The following SPOCK1 variants were observed in gnomAD, a reference collection of about 807,000 sequenced individuals.
The protein encoded by SPOCK1 is SPARC (osteonectin), cwcv and kazal like domains proteoglycan 1.
In SPOCK1, 23 loss-of-function variants were observed where a neutral mutation model predicts 55.3. That is an observed-to-expected ratio of 0.42 (90% CI 0.30 to 0.59). The LOEUF is 0.59. Among genes scored for constraint, SPOCK1 ranks in the 20% least tolerant of loss-of-function variants. The pLI is 0.22. For synonymous variants in SPOCK1, 226 were observed against 221.0 expected (o/e 1.02, Z -0.20); for missense variants, 499 against 552.5 (o/e 0.90, Z 0.97).
intron 6 of SPOCK1, among the ~76,000 whole-genome samples, chr5:136,995,381 G>A (rs1751021201): frequency 6.6e-6 from 1 of 152,160 alleles, no homozygotes; most frequent in South Asian, 2.1e-4. Context: ...CTTAGCCCAG[G>A]TGCCAAGGCA....
intron 6 of SPOCK1, among the ~76,000 whole-genome samples, chr5:137,052,997 C>T (rs1306057611): frequency 6.6e-6 from 1 of 151,982 alleles, no homozygotes; most frequent in Non-Finnish European, 1.5e-5. Flanking sequence ...GTGTTCTGGT[C>T]CAGCATGCCT....
chr5:137,316,820 CTTAT>C (rs1342190554), intron 2 of SPOCK1, among the ~76,000 whole-genome samples: 1 of 152,150 alleles, frequency 6.6e-6, no homozygotes, highest in Non-Finnish European at 1.5e-5. Flanking sequence ...TGTAATTTTT[CTTAT>C]TTAACAGTTA....
At chr5:137,211,031 G>A (rs957538545) in intron 3 of SPOCK1, among the ~76,000 whole-genome samples, 1 of 152,150 alleles carries the variant, frequency 6.6e-6, no homozygotes, top group African/African-American at 2.4e-5. Flanking sequence ...GACAAGCTGG[G>A]GTCATAACTC....
chr5:137,066,231 C>T (rs139502562), intron 6 of SPOCK1, among the ~76,000 whole-genome samples: 1,588 of 152,248 alleles, frequency 0.01, 25 homozygotes, highest in African/African-American at 0.036. Context: ...CTCCACCTCC[C>T]GAGTTCAAGC....
chr5:136,981,469 T>TA (rs1230750277), intron 9 of SPOCK1, among the ~76,000 whole-genome samples: 2 of 152,262 alleles, frequency 1.3e-5, no homozygotes, highest in Non-Finnish European at 2.9e-5. Context: ...CATTTGACGC[T>TA]ATGAAGTTTC....
rs114052124 is a variant in SPOCK1 at position 137,474,127 on chromosome 5, G to A, written c.186+24246C>T. ...AGGGGAGCGAGGGATAAAAGACTAT[G>A]TATACGGTGCAGCGTATGGTGCACC... On this transcript the variant is annotated intron_variant, in intron 2 of 10. Coordinates refer to ENST00000394945, the MANE Select transcript of SPOCK1 (RefSeq NM_004598.4). Among the ~76,000 whole-genome samples the A allele has an allele frequency of 7.9e-3, 1,209 of 152,180 alleles. 10 individuals carry two copies. The highest frequency in any genetic ancestry group is 0.028 in the African/African-American group (1,150 of 41,510).
In SPOCK1 at chr5:136,978,739, T is replaced by C; in HGVS notation, c.1235A>G (p.Lys412Arg). ...RELGPKDKEGKLRVHTRAVTE... is the reference protein window; with the variant it reads ...RELGPKDKEGRLRVHTRAVTE... ...CACGGCTCGGGTGTGCACCCTCAGC[T>C]TCCCCTCTTTGTCCTTTGGTCCCAG... The change falls in exon 11 of 11, where the codon AAG becomes AGG. Residue 412 changes from lysine (K) to arginine (R), a missense_variant. Lys to Arg is a conservative substitution (Grantham distance 26). Around this residue, in one of 3 missense-constraint regions of SPOCK1, gnomAD observed 83 missense variants for 87.5 expected, o/e 0.95. Coordinates refer to ENST00000394945, the MANE Select transcript of SPOCK1 (RefSeq NM_004598.4). 6.2e-7 allele frequency: 1 copy of C among 1,614,164 alleles called. No individual in the cohort carries two copies.
At chr5:137,365,709 CTT>C (rs1751044026) in intron 2 of SPOCK1, among the ~76,000 whole-genome samples, 1 of 152,130 alleles carries the variant, frequency 6.6e-6, no homozygotes, top group African/African-American at 2.4e-5. Flanking sequence ...TAATGGAAAA[CTT>C]TCACCAAGAC....
chr5:137,027,697 G>A (rs1399952143), intron 6 of SPOCK1, among the ~76,000 whole-genome samples: 3 of 152,172 alleles, frequency 2.0e-5, no homozygotes, highest in Admixed American at 2.0e-4. Flanking sequence ...CTCCAGGCAT[G>A]GGGAGGCTTC....
intron 3 of SPOCK1, among the ~76,000 whole-genome samples, chr5:137,223,815 GA>G (rs143964118): frequency 2.7e-5 from 4 of 150,286 alleles, no homozygotes; most frequent in Admixed American, 6.6e-5. Context: ...AGGAACATCT[GA>G]AAAAAAAATA....
In SPOCK1 at chr5:137,216,133, G is replaced by A. The variant is rs79548015; in HGVS notation, c.232+50877C>T. ...GCAATCCATGGCATGGCAGGGAAAG[G>A]GGGCACTGAGGTAGACCCTAAATGA... On this transcript the variant is annotated intron_variant, in intron 3 of 10. Transcript: ENST00000394945. 1.0e-3 allele frequency among the ~76,000 whole-genome samples: 153 copies of A among 152,284 alleles called. 1 individual carries two copies. In the East Asian group the frequency reaches 0.028, roughly 28 times the overall value.
chr5:137,304,777 C>T (rs1580856997), intron 2 of SPOCK1, among the ~76,000 whole-genome samples: 1 of 152,142 alleles, frequency 6.6e-6, no homozygotes, highest in African/African-American at 2.4e-5. Context: ...ACTGCCCAGG[C>T]TCTACCGTGA....
intron 2 of SPOCK1, among the ~76,000 whole-genome samples, chr5:137,367,082 C>T (rs1243722371): frequency 7.2e-5 from 11 of 152,148 alleles, no homozygotes; most frequent in African/African-American, 1.4e-4. Context: ...TCTTAAAGTA[C>T]GTGAAGTATC....
chr5:137,196,606 G>A (rs772101443), intron 3 of SPOCK1, among the ~76,000 whole-genome samples: 5 of 152,202 alleles, frequency 3.3e-5, no homozygotes, highest in African/African-American at 4.8e-5. Context: ...GTCTCAGCTC[G>A]AATGCCACTT....
chr5:137,057,430 T>C (rs1222786732), intron 6 of SPOCK1, among the ~76,000 whole-genome samples: 1 of 152,238 alleles, frequency 6.6e-6, no homozygotes, highest in Non-Finnish European at 1.5e-5. Context: ...TTCTGAGCTT[T>C]ATCTGGCATC....
At chr5:137,133,335 A>C (rs1024758021) in intron 4 of SPOCK1, among the ~76,000 whole-genome samples, 1 of 149,866 alleles carries the variant, frequency 6.7e-6, no homozygotes, top group African/African-American at 2.5e-5. Flanking sequence ...GCACCACTGC[A>C]CTCCAGCCTG....
At chr5:137,067,483 G>T (rs982636861) in intron 6 of SPOCK1, among the ~76,000 whole-genome samples, 5 of 152,156 alleles carry the variant, frequency 3.3e-5, no homozygotes, top group African/African-American at 1.2e-4. Flanking sequence ...ACCTCTAAAA[G>T]AACCTAGTGG....
chr5:137,182,935 A>AGCCACACC (rs1217841620), intron 3 of SPOCK1, among the ~76,000 whole-genome samples: 23 of 152,282 alleles, frequency 1.5e-4, no homozygotes, highest in African/African-American at 4.8e-4. Flanking sequence ...GTTAGTGCAG[A>AGCCACACC]GCCACACCCA....
rs1379742829 is a variant in SPOCK1, at chr5:136,977,012, T to C, written c.*1642A>G. On this transcript the variant is annotated 3_prime_UTR_variant, in exon 11 of 11. Coordinates refer to ENST00000394945, the MANE Select transcript of SPOCK1 (RefSeq NM_004598.4). ...TTATGTGGCTTTTGTGTGGACAGGCTGAAGTTCATGGGGGAAGGCAAGAGA... is the reference window on the plus strand; with the variant it reads ...TTATGTGGCTTTTGTGTGGACAGGCCGAAGTTCATGGGGGAAGGCAAGAGA... 1 of 152,284 alleles carries C rather than the reference T, an allele frequency of 6.6e-6. No homozygotes were observed. Among genetic ancestry groups the C allele is most frequent in the East Asian group, 1.9e-4 (1 of 5,192 alleles). The allele number at this position is 152,284 out of a possible 1,614,324, so 9.4% of individuals were successfully genotyped here.
Sources: allele counts gnomAD v4.1 joint callset (sites outside exome capture counted in the v4.1 genomes callset), GRCh38; gene constraint gnomAD v4.1.1; regional missense constraint gnomAD v4.1.1; transcripts MANE v1.5; gene names NCBI Gene and HGNC (gene_info 2026-07-23, HGNC 2026-07-21).